Variants in METAP2 observed in about 807,000 individuals in gnomAD.
The protein encoded by METAP2 is methionyl aminopeptidase 2.
METAP2 carries 25 observed loss-of-function variants against 59.4 expected under a neutral mutation model. That is an observed-to-expected ratio of 0.42 (90% CI 0.31 to 0.59). METAP2 has a LOEUF of 0.59. Ranked by LOEUF, METAP2 falls within the 20% of genes least tolerant of loss-of-function variation. The pLI is 0.16. For missense variants in METAP2, 366 were observed against 581.2 expected (o/e 0.63, Z 3.81); for synonymous variants, 214 against 194.1 (o/e 1.10, Z -0.85).
intron 2 of METAP2, 25 bp from the exon 3 acceptor site, chr12:95,483,190 A>C: frequency 6.3e-7 from 1 of 1,582,774 alleles, no homozygotes. Context: ...TTAAATGAAC[A>C]TGTACTTGAA....
At chr12:95,483,919 A>AT (rs1332851919) in intron 3 of METAP2, among the ~76,000 whole-genome samples, 2 of 152,128 alleles carry the variant, frequency 1.3e-5, no homozygotes, top group African/African-American at 4.8e-5. Flanking sequence ...GTGAGACTTT[A>AT]TTATTAATAA....
chr12:95,498,642 G>C (rs1350878858), intron 7 of METAP2, among the ~76,000 whole-genome samples: 1 of 152,036 alleles, frequency 6.6e-6, no homozygotes, highest in Non-Finnish European at 1.5e-5. Context: ...TCATTCTTTT[G>C]CATGTGAATG....
chr12:95,512,697 A>G, intron 9 of METAP2, 104 bp from the exon 10 acceptor site: 1 of 661,244 alleles, frequency 1.5e-6, no homozygotes, highest in Non-Finnish European at 2.6e-6. Flanking sequence ...GGCAGCAGAG[A>G]GAGACTCTGT....
intron 5 of METAP2, 74 bp from the exon 6 acceptor site, chr12:95,494,880 TTGA>T (rs2076265806): frequency 8.4e-7 from 1 of 1,195,030 alleles, no homozygotes. Context: ...CTTTCTGGAC[TTGA>T]TGAACTATAT....
intron 4 of METAP2, 145 bp from the exon 5 acceptor site, chr12:95,493,911 C>A: frequency 3.1e-6 from 2 of 639,344 alleles, no homozygotes; most frequent in Non-Finnish European, 4.7e-6. Flanking sequence ...AAGTGTTTGG[C>A]TTTTTGTATT....
chr12:95,499,854 A>G (rs1413500162), intron 7 of METAP2, among the ~76,000 whole-genome samples: 1 of 152,180 alleles, frequency 6.6e-6, no homozygotes, highest in East Asian at 1.9e-4. Flanking sequence ...CCTTCTTCAC[A>G]TGGCAGCAGG....
At chr12:95,476,872 CAAAGT>C (rs1277198160) in intron 2 of METAP2, among the ~76,000 whole-genome samples, 1 of 152,122 alleles carries the variant, frequency 6.6e-6, no homozygotes, top group Non-Finnish European at 1.5e-5. Context: ...CAAAACCAAG[CAAAGT>C]AACCTACTTG....
Position 95,494,978 on chromosome 12 carries a change from A to G in METAP2, c.612A>G (p.Ser204=). The G allele has an allele frequency of 6.2e-7, 1 of 1,613,378 alleles. No homozygotes were observed. Among genetic ancestry groups the G allele is most frequent in the South Asian group, 1.1e-5 (1 of 90,974 alleles). ...IEICEKLEDC[S]RKLIKENGLN... ...TTAGTGAAAAGTTGGAAGACTGTTCACGCAAGTTAATAAAAGAGAATGGAT... is the reference window on the plus strand; with the variant it reads ...TTAGTGAAAAGTTGGAAGACTGTTCGCGCAAGTTAATAAAAGAGAATGGAT... Residue 204 remains serine, a synonymous_variant, in exon 6 of 11, where the codon TCA becomes TCG. Transcript: ENST00000323666.
At chr12:95,484,656 T>C (rs1379400155) in intron 3 of METAP2, 1 of 296,176 alleles carries the variant, frequency 3.4e-6, no homozygotes, top group Non-Finnish European at 6.5e-6. Flanking sequence ...TTTGTTCTGC[T>C]TCCTCTGAGG....
intron 7 of METAP2, among the ~76,000 whole-genome samples, chr12:95,499,574 T>C (rs1307087743): frequency 1.3e-5 from 2 of 151,418 alleles, no homozygotes; most frequent in Admixed American, 6.6e-5. Flanking sequence ...TTTAGGATTT[T>C]TTTTTTCTGC....
chr12:95,508,521 T>G, intron 8 of METAP2, among the ~76,000 whole-genome samples: 1 of 152,242 alleles, frequency 6.6e-6, no homozygotes, highest in East Asian at 1.9e-4. Flanking sequence ...TCGTGAGTCT[T>G]ATGTCAACTT....
chr12:95,484,179 A>T (rs1260965416), intron 3 of METAP2, among the ~76,000 whole-genome samples: 2 of 152,028 alleles, frequency 1.3e-5, no homozygotes, highest in African/African-American at 4.8e-5. Context: ...TTTCAGGCTA[A>T]AATTTTATGA....
chr12:95,481,834 A>G (rs2076160430), intron 2 of METAP2, among the ~76,000 whole-genome samples: 1 of 152,214 alleles, frequency 6.6e-6, no homozygotes. Context: ...GTATAGTGCT[A>G]CATACACTAG....
At chr12:95,498,904 A>C (rs536430913) in intron 7 of METAP2, among the ~76,000 whole-genome samples, 1 of 151,998 alleles carries the variant, frequency 6.6e-6, no homozygotes, top group South Asian at 2.1e-4. Flanking sequence ...GGTCCCAGCT[A>C]CTCAGGAGGC....
At chr12:95,488,785 A>T (rs1334373489) in intron 4 of METAP2, among the ~76,000 whole-genome samples, 1 of 152,082 alleles carries the variant, frequency 6.6e-6, no homozygotes, top group African/African-American at 2.4e-5. Flanking sequence ...ACTCTGCTCC[A>T]CTGATCTGTT....
In METAP2 at chr12:95,474,158, C is replaced by A. The variant is rs113933779; in HGVS notation, c.-22C>A. On this transcript the variant is annotated 5_prime_UTR_variant, in exon 1 of 11. Coordinates refer to ENST00000323666, the MANE Select transcript of METAP2 (RefSeq NM_006838.4). ...GGGGCCCTCGCCGCTCTGTCTCATT[C>A]CCTCGCGCTCTCTCGGGCAACATGG... 1 of 1,612,242 alleles carries A rather than the reference C, an allele frequency of 6.2e-7. No individual in the cohort carries two copies. Among genetic ancestry groups the A allele is most frequent in the Admixed American group, 1.7e-5 (1 of 59,760 alleles).
rs202240016 is a variant in METAP2 at position 95,512,046 on chromosome 12, T to C, written c.1068+48T>C. On this transcript the variant is annotated intron_variant, in intron 9 of 10. Coordinates refer to ENST00000323666, the MANE Select transcript of METAP2 (RefSeq NM_006838.4). Reference sequence around the variant, plus strand: ...ACTTCCATGGAAGACATTTTTTTCTTCCAAGCAGAAGGTCATGGTAGTTAA... The same window carrying C: ...ACTTCCATGGAAGACATTTTTTTCTCCCAAGCAGAAGGTCATGGTAGTTAA... 1,014 of 1,376,986 alleles carry C rather than the reference T, an allele frequency of 7.4e-4. 13 individuals are homozygous for C. In the South Asian group the frequency reaches 0.011, roughly 16 times the overall value. The allele number at this position is 1,376,986 out of a possible 1,614,324, so 85.3% of individuals were successfully genotyped here.
intron 7 of METAP2, 141 bp from the exon 8 acceptor site, chr12:95,503,924 C>A: frequency 1.6e-6 from 1 of 628,070 alleles, no homozygotes; most frequent in South Asian, 2.1e-5. Flanking sequence ...TCCCATAATC[C>A]TCTGCAAAGT....
intron 7 of METAP2, among the ~76,000 whole-genome samples, chr12:95,498,757 T>TA (rs1378010099): frequency 6.6e-6 from 1 of 152,190 alleles, no homozygotes; most frequent in African/African-American, 2.4e-5. Context: ...CTCATGCCTA[T>TA]AATCTCAGCC....
Sources: allele counts gnomAD v4.1 joint callset (sites outside exome capture counted in the v4.1 genomes callset), GRCh38; gene constraint gnomAD v4.1.1; transcripts MANE v1.5; gene names NCBI Gene and HGNC (gene_info 2026-07-23, HGNC 2026-07-21).